Variants in SLC1A2 observed in about 807,000 individuals in gnomAD.
SLC1A2 encodes the protein excitatory amino acid transporter 2.
SLC1A2 carries 15 observed loss-of-function variants against 48.8 expected under a neutral mutation model. The observed-to-expected ratio is 0.31, with a 90% CI of 0.21 to 0.47. The LOEUF is 0.47. SLC1A2 is among the 20% of genes least tolerant of loss of function. The pLI is 0.99. For synonymous variants in SLC1A2, 279 were observed against 272.6 expected (o/e 1.02, Z -0.23); for missense variants, 502 against 730.5 (o/e 0.69, Z 3.61).
At chr11:35,413,040 T>G (rs1855512678) in intron 1 of SLC1A2, among the ~76,000 whole-genome samples, 1 of 152,212 alleles carries the variant, frequency 6.6e-6, no homozygotes, top group African/African-American at 2.4e-5. Flanking sequence ...AGATTTTGAA[T>G]AATTCTTCAA....
chr11:35,255,015 G>T lies in SLC1A2; in HGVS notation c.*5879C>A. ...TCAATGAAGAAATTGTGTTTATCTT[G>T]CTGCCCTTGCATCAGGTTTTTTGCA... On this transcript the variant is annotated 3_prime_UTR_variant, in exon 11 of 11. Transcript: ENST00000278379. 1 of 290,258 alleles carries T rather than the reference G, an allele frequency of 3.4e-6. No individual in the cohort carries two copies. Among genetic ancestry groups the T allele is most frequent in the South Asian group, 2.9e-5 (1 of 34,048 alleles). 18.0% of individuals were successfully genotyped at this position (290,258 alleles called of 1,614,324 possible). A position where few individuals can be genotyped will look rare whatever the true frequency, so the allele number is the denominator to read the frequency against.
intron 1 of SLC1A2, among the ~76,000 whole-genome samples, chr11:35,397,881 T>C (rs1855014615): frequency 6.6e-6 from 1 of 152,200 alleles, no homozygotes; most frequent in African/African-American, 2.4e-5. Flanking sequence ...TTCTGTTATT[T>C]TTAAGCCACC....
intron 9 of SLC1A2, among the ~76,000 whole-genome samples, chr11:35,278,977 C>T (rs1850533769): frequency 6.6e-6 from 1 of 152,148 alleles, no homozygotes; most frequent in Non-Finnish European, 1.5e-5. Flanking sequence ...CAAGATCGCA[C>T]CACTGCACTC....
intron 1 of SLC1A2, among the ~76,000 whole-genome samples, chr11:35,326,524 T>A (rs748694400): frequency 6.6e-6 from 1 of 152,240 alleles, no homozygotes; most frequent in Non-Finnish European, 1.5e-5. Flanking sequence ...AGGTGCTGTA[T>A]ACCTTAGCCA....
Position 35,293,059 on chromosome 11 carries a change from T to G in SLC1A2, c.858-539A>C, listed in dbSNP as rs145047868. On this transcript the variant is annotated intron_variant, in intron 6 of 10. Transcript: ENST00000278379. ...GTACATTTAGAGAAAAGTGGTTTTATGACTTCTAAGTCTGAAAGTCTTTTT... is the reference window on the plus strand; with the variant it reads ...GTACATTTAGAGAAAAGTGGTTTTAGGACTTCTAAGTCTGAAAGTCTTTTT... Among the ~76,000 whole-genome samples, 1,409 of 152,352 alleles carry G rather than the reference T, an allele frequency of 9.2e-3. 24 individuals carry two copies. The highest frequency in any genetic ancestry group is 0.032 in the African/African-American group (1,337 of 41,570).
rs184882474 is a variant in SLC1A2, at chr11:35,381,137, C to T, written c.17+37813G>A. Among the ~76,000 whole-genome samples, 26 of 152,150 alleles carry T rather than the reference C, an allele frequency of 1.7e-4. No individual in the cohort carries two copies. In the East Asian group the frequency reaches 3.5e-3, roughly 20 times the overall value. On this transcript the variant is annotated intron_variant, in intron 1 of 10. Coordinates refer to ENST00000278379, the MANE Select transcript of SLC1A2 (RefSeq NM_004171.4). ...TTTCTTTTCTCTTATTTTCATCATT[C>T]GGGCAGCTTTTTGGGCAGCCACCTT... is the stretch of plus-strand genomic sequence containing the variant.
intron 4 of SLC1A2, among the ~76,000 whole-genome samples, chr11:35,306,771 A>C (rs1236072654): frequency 1.3e-5 from 2 of 152,170 alleles, no homozygotes; most frequent in African/African-American, 4.8e-5. Flanking sequence ...CCCACATATA[A>C]ATGAGAAATG....
At position 35,255,698 on chromosome 11, in the gene SLC1A2, C is replaced by G. The variant is rs1047220610; in HGVS notation, c.*5196G>C. The G allele has an allele frequency of 2.6e-5, 4 of 152,204 alleles. No individual in the cohort carries two copies. Among genetic ancestry groups the G allele is most frequent in the African/African-American group, 9.7e-5 (4 of 41,444 alleles). 9.4% of individuals were successfully genotyped at this position (152,204 alleles called of 1,614,324 possible). On this transcript the variant is annotated 3_prime_UTR_variant, in exon 11 of 11. Transcript: ENST00000278379. Reference sequence around the variant, plus strand: ...CAATGATGCAACAGCTTGAGTGAGGCTGTAGGTTCATCCAGTCCTCTCATG... The same window carrying G: ...CAATGATGCAACAGCTTGAGTGAGGGTGTAGGTTCATCCAGTCCTCTCATG...
rs1169192227 is a variant in SLC1A2 at position 35,419,447 on chromosome 11, C to A, written c.-481G>T. Reference sequence around the variant, plus strand: ...GCGCGCCTGGGGAGGCGGTGGAGGCCGCTGCGCTCTGGCTCGGCGCCGGCC... The same window carrying A: ...GCGCGCCTGGGGAGGCGGTGGAGGCAGCTGCGCTCTGGCTCGGCGCCGGCC... On this transcript the variant is annotated 5_prime_UTR_variant, in exon 1 of 11. Transcript: ENST00000278379. This position sits in a 1 kb window ranked among gnomAD's most constrained non-coding sequence, Gnocchi z 5.4. The A allele has an allele frequency of 1.1e-5, 2 of 176,868 alleles. No homozygotes were observed. Among genetic ancestry groups the A allele is most frequent in the Non-Finnish European group, 1.2e-5 (1 of 84,504 alleles). 11.0% of individuals were successfully genotyped at this position (176,868 alleles called of 1,614,324 possible).
At chr11:35,370,856 C>T in intron 1 of SLC1A2, 1 of 656,252 alleles carries the variant, frequency 1.5e-6, no homozygotes. Flanking sequence ...CCAAGAAGAA[C>T]ATGAGCTGCA....
intron 8 of SLC1A2, chr11:35,285,620 T>C (rs1039180606): frequency 4.6e-5 from 7 of 152,262 alleles, no homozygotes; most frequent in South Asian, 2.1e-4. Flanking sequence ...GAGTCCAAGA[T>C]TGACAAACTC....
At chr11:35,391,869 G>T (rs1406077821) in intron 1 of SLC1A2, among the ~76,000 whole-genome samples, 2 of 152,072 alleles carry the variant, frequency 1.3e-5, no homozygotes, top group Non-Finnish European at 2.9e-5. Context: ...GGTAACTCTG[G>T]ATATCCAAAG....
intron 1 of SLC1A2, among the ~76,000 whole-genome samples, chr11:35,398,816 T>C (rs777234193): frequency 2.2e-4 from 34 of 152,132 alleles, no homozygotes; most frequent in Non-Finnish European, 5.9e-5. Context: ...CAAATACATA[T>C]TTGGGGTCCA....
chr11:35,297,466 T>A (rs1851209507), intron 6 of SLC1A2, among the ~76,000 whole-genome samples: 1 of 152,200 alleles, frequency 6.6e-6, no homozygotes. Flanking sequence ...CTGAATAAAA[T>A]CTGCCTTACT....
chr11:35,322,846 T>C, intron 1 of SLC1A2: 1 of 668,958 alleles, frequency 1.5e-6, no homozygotes, highest in South Asian at 1.7e-5. Context: ...TTCCCCCAGC[T>C]CCTTGAAGAA....
rs6484779 is a variant in SLC1A2, at chr11:35,301,743, C to T, written c.731-98G>A. ...TTCCCAATGTATGGAGCCATGTTCT[C>T]ACTGCTGGTTACCCTATGAATTAGA... On this transcript the variant is annotated intron_variant, in intron 5 of 10. Coordinates refer to ENST00000278379, the MANE Select transcript of SLC1A2 (RefSeq NM_004171.4). The T allele has an allele frequency of 0.012, 12,931 of 1,103,888 alleles. 961 individuals are homozygous for T. In the African/African-American group the frequency reaches 0.17, roughly 14 times the overall value. 68.4% of individuals were successfully genotyped at this position (1,103,888 alleles called of 1,614,324 possible). A position where few individuals can be genotyped will look rare whatever the true frequency, so the allele number is the denominator to read the frequency against.
At chr11:35,374,796 T>A (rs147940527) in intron 1 of SLC1A2, among the ~76,000 whole-genome samples, 1 of 151,272 alleles carries the variant, frequency 6.6e-6, no homozygotes, top group African/African-American at 2.4e-5. Context: ...CTTATAATTT[T>A]GTCTTATACT....
chr11:35,372,033 C>G (rs1352188031), intron 1 of SLC1A2, among the ~76,000 whole-genome samples: 6 of 152,314 alleles, frequency 3.9e-5, no homozygotes, highest in Non-Finnish European at 7.3e-5. Flanking sequence ...GCTGGCTCCC[C>G]CATCAGTCAT....
In SLC1A2 at chr11:35,257,197, C is replaced by T. The variant is rs2134571531; in HGVS notation, c.*3697G>A. 6.6e-6 allele frequency: 1 copy of T among 152,270 alleles called. No homozygotes were observed. Among genetic ancestry groups the T allele is most frequent in the African/African-American group, 2.4e-5 (1 of 41,556 alleles). The allele number at this position is 152,270 out of a possible 1,614,324, so 9.4% of individuals were successfully genotyped here. A position where few individuals can be genotyped will look rare whatever the true frequency, so the allele number is the denominator to read the frequency against. ...ACACACAAGTGGAAATGACCAGAGA[C>T]CCTCTAATCAACAGGTCATTGAGAT... On this transcript the variant is annotated 3_prime_UTR_variant, in exon 11 of 11. Transcript: ENST00000278379.
Sources: allele counts gnomAD v4.1 joint callset (sites outside exome capture counted in the v4.1 genomes callset), GRCh38; gene constraint gnomAD v4.1.1; non-coding constraint Gnocchi (gnomAD v3.1); transcripts MANE v1.5; gene names NCBI Gene and HGNC (gene_info 2026-07-23, HGNC 2026-07-21).